VPS39: variants seen among roughly 807,000 people sequenced by gnomAD.
VPS39 encodes VPS39 subunit of HOPS complex, also known as vam6/Vps39-like protein.
Under a neutral mutation model 121.0 loss-of-function variants are expected in VPS39, and 70 were observed. The observed-to-expected ratio is 0.58, with a 90% CI of 0.48 to 0.71. The LOEUF (loss-of-function observed/expected upper bound fraction) is 0.71. Among genes scored for constraint, VPS39 ranks in the 30% least tolerant of loss-of-function variants. The probability of loss-of-function intolerance (pLI) is 0.00; values close to 1 mark genes in which losing one functional copy is unlikely to be tolerated. For missense variants in VPS39, 818 were observed against 1,051.5 expected (o/e 0.78, Z 3.07); for synonymous variants, 378 against 398.1 (o/e 0.95, Z 0.60).
chr15:42,176,418 C>T (rs1042028105), intron 10 of VPS39, among the ~76,000 whole-genome samples: 19 of 151,610 alleles, frequency 1.3e-4, no homozygotes, highest in African/African-American at 4.4e-4. Context: ...AGAGTAAGGT[C>T]ATGATAAATA....
At chr15:42,162,242 G>T in intron 22 of VPS39, 76 bp from the exon 23 acceptor site, 1 of 1,606,404 alleles carries the variant, frequency 6.2e-7, no homozygotes, top group South Asian at 1.1e-5. Flanking sequence ...CAGCCGTGGA[G>T]CTCTTGGACC....
At chr15:42,167,660 T>C in intron 12 of VPS39, 123 bp from the exon 13 acceptor site, 1 of 1,307,878 alleles carries the variant, frequency 7.6e-7, no homozygotes, top group East Asian at 2.4e-5. Context: ...ACATTAGCAT[T>C]CGATTTTTAG....
At position 42,187,276 on chromosome 15, in the gene VPS39, T is replaced by C; in HGVS notation, c.529A>G (p.Ile177Val). The C allele has an allele frequency of 6.2e-7, 1 of 1,606,876 alleles. No individual in the cohort carries two copies. Among genetic ancestry groups the C allele is most frequent in the Non-Finnish European group, 8.5e-7 (1 of 1,177,724 alleles). The change falls in exon 7 of 25, where the codon ATA becomes GTA. Residue 177 changes from isoleucine (I) to valine (V), a missense_variant. By Grantham distance (29) the Ile-to-Val change is conservative (BLOSUM62 3). Transcript: ENST00000318006. ...CVGFKRDYYL[I>V]RVDGKGSIKE... The stretch of plus-strand genomic sequence containing the variant: ...GCAAAATAATAAGATTTTACCCTTA[T>C]TAGGTAGTAGTCTCTCTTGAAACCC...
At chr15:42,161,131 C>A in intron 24 of VPS39, 1 of 379,378 alleles carries the variant, frequency 2.6e-6, no homozygotes, top group Non-Finnish European at 4.8e-6. Context: ...CCCTGGCTTC[C>A]TGAGAGCCAA....
intron 2 of VPS39, among the ~76,000 whole-genome samples, chr15:42,194,059 T>C (rs1310494131): frequency 6.6e-6 from 1 of 152,130 alleles, no homozygotes; most frequent in Non-Finnish European, 1.5e-5. Flanking sequence ...CATTATATCA[T>C]ATGAGATTAC....
chr15:42,166,818 G>A lies in VPS39; in HGVS notation c.1473C>T (p.Tyr491=), dbSNP rs1284011293. The A allele has an allele frequency of 6.2e-7, 1 of 1,614,220 alleles. No individual in the cohort carries two copies. The highest frequency in any genetic ancestry group is 1.7e-5 in the Admixed American group (1 of 60,030). ...SEHVLKKAHK[Y]SELIILYEKK... ...TCTCATACAGGATGATAAGCTCACT[G>A]TACTTGTGAGCCTTCTTTAGCACGT... is the stretch of plus-strand genomic sequence containing the variant. The change falls in exon 14 of 25, where the codon TAC becomes TAT. Residue 491 remains tyrosine (Y), a synonymous_variant. Transcript: ENST00000318006.
chr15:42,196,080 C>T (rs888084663), intron 2 of VPS39, among the ~76,000 whole-genome samples: 2 of 152,148 alleles, frequency 1.3e-5, no homozygotes, highest in African/African-American at 4.8e-5. Context: ...AAAGGATTCC[C>T]TATTTAATAA....
At chr15:42,187,487 G>A (rs2049728171) in intron 6 of VPS39, 124 bp from the exon 7 acceptor site, 2 of 862,802 alleles carry the variant, frequency 2.3e-6, no homozygotes, top group Non-Finnish European at 3.5e-6. Context: ...CAATTCTACA[G>A]GCACAAGGCC....
intron 10 of VPS39, among the ~76,000 whole-genome samples, chr15:42,177,680 T>C (rs963599896): frequency 2.0e-5 from 3 of 152,200 alleles, no homozygotes; most frequent in African/African-American, 7.2e-5. Context: ...TTTTTTTTGT[T>C]TTTTGAGACA....
At chr15:42,193,134 G>A (rs1214177540) in intron 2 of VPS39, among the ~76,000 whole-genome samples, 1 of 152,028 alleles carries the variant, frequency 6.6e-6, no homozygotes, top group Non-Finnish European at 1.5e-5. Flanking sequence ...AAACTTTTTT[G>A]TCTCAAAATC....
chr15:42,185,167 A>G (rs571126139), intron 7 of VPS39, among the ~76,000 whole-genome samples: 1 of 151,334 alleles, frequency 6.6e-6, no homozygotes, highest in South Asian at 2.1e-4. Context: ...ATTGCTAAAA[A>G]TTGAAAACAA....
At position 42,197,175 on chromosome 15, in the gene VPS39, G is replaced by A. The variant is rs185684463; in HGVS notation, c.139+2721C>T. ...GAACATCACACACTGGGGGCCTGTCGTGGGGTGGGGGGAGGGGGGAGGGAA... is the reference window on the plus strand; with the variant it reads ...GAACATCACACACTGGGGGCCTGTCATGGGGTGGGGGGAGGGGGGAGGGAA... On this transcript the variant is annotated intron_variant, in intron 2 of 24. Coordinates refer to ENST00000318006, the MANE Select transcript of VPS39 (RefSeq NM_015289.5). 2.6e-3 allele frequency among the ~76,000 whole-genome samples: 305 copies of A among 116,776 alleles called. 2 individuals are homozygous for A. Among genetic ancestry groups the A allele is most frequent in the Admixed American group, 0.011 (100 of 9,308 alleles). The allele number at this position is 116,776 out of a possible 152,430, so 76.6% of individuals were successfully genotyped here.
intron 24 of VPS39, chr15:42,161,246 C>A: frequency 3.2e-6 from 1 of 310,420 alleles, no homozygotes; most frequent in Non-Finnish European, 6.2e-6. Context: ...AATCACTCTC[C>A]TTTGAAGAAA....
At chr15:42,184,049 A>C (rs1461880501) in intron 8 of VPS39, 1 of 130,672 alleles carries the variant, frequency 7.7e-6, no homozygotes, top group Non-Finnish European at 1.5e-5. Flanking sequence ...TGTGCCTCTA[A>C]GCTACAAAAA....
At position 42,208,295 on chromosome 15, in the gene VPS39, C is replaced by T. The variant is rs1309069022; in HGVS notation, c.-142G>A. On this transcript the variant is annotated 5_prime_UTR_variant, in exon 1 of 25. Transcript: ENST00000318006. ...ACAGGCCCTTCAACAACACAGCCAT[C>T]GTCAACCCCGGACTTCCTGCTAGTT... 9.2e-6 allele frequency: 10 copies of T among 1,083,258 alleles called. No individual in the cohort carries two copies. Among genetic ancestry groups the T allele is most frequent in the African/African-American group, 1.6e-5 (1 of 63,460 alleles). 67.1% of individuals were successfully genotyped at this position (1,083,258 alleles called of 1,614,324 possible). A position where few individuals can be genotyped will look rare whatever the true frequency, so the allele number is the denominator to read the frequency against.
At chr15:42,178,876 G>A (rs2049514951) in intron 8 of VPS39, 2 of 286,354 alleles carry the variant, frequency 7.0e-6, no homozygotes, top group Non-Finnish European at 1.4e-5. Context: ...GTGTGGTGGT[G>A]CACACCTGTA....
At chr15:42,195,372 C>T (rs1448735912) in intron 2 of VPS39, among the ~76,000 whole-genome samples, 1 of 152,144 alleles carries the variant, frequency 6.6e-6, no homozygotes, top group Non-Finnish European at 1.5e-5. Context: ...CCCAGGAATT[C>T]AAGTCCAGCC....
intron 10 of VPS39, among the ~76,000 whole-genome samples, chr15:42,174,545 C>T (rs928033905): frequency 2.0e-5 from 3 of 152,164 alleles, no homozygotes; most frequent in African/African-American, 7.2e-5. Flanking sequence ...CTGGCCAAAT[C>T]TGAATAAAAC....
chr15:42,164,863 T>C lies in VPS39; in HGVS notation c.1897+133A>G, dbSNP rs371409460. On this transcript the variant is annotated intron_variant, in intron 18 of 24. Transcript: ENST00000318006. ...CCAGGCTTGTGTCACTTAGCTCCCC[T>C]GGCTCCTCTTCAGAACTTCTGCGCA... is the stretch of plus-strand genomic sequence containing the variant. The C allele has an allele frequency of 3.5e-5, 52 of 1,472,346 alleles. No individual in the cohort carries two copies. The African/African-American group carries it at 6.5e-4, about 18-fold the overall frequency. The allele number at this position is 1,472,346 out of a possible 1,614,324, so 91.2% of individuals were successfully genotyped here. A position where few individuals can be genotyped will look rare whatever the true frequency, so the allele number is the denominator to read the frequency against.
Sources: allele counts gnomAD v4.1 joint callset (sites outside exome capture counted in the v4.1 genomes callset), GRCh38; gene constraint gnomAD v4.1.1; transcripts MANE v1.5; gene names NCBI Gene and HGNC (gene_info 2026-07-23, HGNC 2026-07-21).